The following ARHGEF26 variants were observed in gnomAD, a reference collection of about 807,000 sequenced individuals.
ARHGEF26 encodes the protein Rho guanine nucleotide exchange factor 26, also known as Rho guanine nucleotide exchange factor (GEF) 26.
A neutral mutation model predicts 89.4 loss-of-function variants in ARHGEF26; 59 were observed. The observed-to-expected ratio is 0.66, with a 90% confidence interval of 0.54 to 0.82. The LOEUF (loss-of-function observed/expected upper bound fraction) is 0.82, where lower values mean the gene tolerates loss of function less well. ARHGEF26 is among the 40% of genes least tolerant of loss of function. ARHGEF26 has a pLI of 0.00. For missense variants in ARHGEF26, 1,234 were observed against 1,085.6 expected, an observed-to-expected ratio of 1.14 and a Z score of -1.92; for synonymous variants, 500 against 428.4, an observed-to-expected ratio of 1.17 and a Z score of -2.06.
At chr3:154,124,059 A>G (rs1312640775) in intron 2 of ARHGEF26, among the ~76,000 whole-genome samples, 3 of 150,478 alleles carry the variant, frequency 2.0e-5, no homozygotes, top group African/African-American at 7.5e-5. Flanking sequence ...ATTACATAAC[A>G]TTTTATGTGT....
At chr3:154,168,907 T>G (rs1712224052) in intron 6 of ARHGEF26, among the ~76,000 whole-genome samples, 1 of 109,394 alleles carries the variant, frequency 9.1e-6, no homozygotes, top group African/African-American at 3.2e-5. Context: ...TTTTGTCCAC[T>G]TAGATCAGAA....
intron 10 of ARHGEF26, among the ~76,000 whole-genome samples, chr3:154,222,826 G>C (rs1213439694): frequency 1.3e-5 from 2 of 152,204 alleles, no homozygotes; most frequent in Non-Finnish European, 2.9e-5. Flanking sequence ...AGGGAGCCAG[G>C]AGGGAGAGAA....
At chr3:154,165,529 C>G (rs1365860043) in intron 6 of ARHGEF26, among the ~76,000 whole-genome samples, 2 of 152,154 alleles carry the variant, frequency 1.3e-5, no homozygotes, top group Admixed American at 1.3e-4. Context: ...TTTGGAAACT[C>G]AGGTGTTCAA....
intron 4 of ARHGEF26, among the ~76,000 whole-genome samples, chr3:154,148,633 C>T (rs145175879): frequency 6.6e-6 from 1 of 152,176 alleles, no homozygotes; most frequent in African/African-American, 2.4e-5. Flanking sequence ...CTGGTGACCT[C>T]ACCTGCAGAG....
intron 9 of ARHGEF26, among the ~76,000 whole-genome samples, chr3:154,217,329 T>C: frequency 6.6e-6 from 1 of 151,978 alleles, no homozygotes; most frequent in South Asian, 2.1e-4. Flanking sequence ...TGCATAAATG[T>C]CTTCTTTTGA....
intron 11 of ARHGEF26, among the ~76,000 whole-genome samples, chr3:154,236,214 GTTCT>G (rs773932778): frequency 5.8e-4 from 88 of 152,234 alleles, no homozygotes; most frequent in Non-Finnish European, 9.8e-4. Flanking sequence ...TCTACTAGTA[GTTCT>G]TTATTTTGTT....
intron 3 of ARHGEF26, among the ~76,000 whole-genome samples, chr3:154,124,883 T>C (rs1174541638): frequency 6.6e-6 from 1 of 152,174 alleles, no homozygotes; most frequent in African/African-American, 2.4e-5. Context: ...TGTTTCCTTA[T>C]TAAGTTTCAG....
intron 4 of ARHGEF26, among the ~76,000 whole-genome samples, chr3:154,146,217 A>G (rs147349857): frequency 1.8e-3 from 281 of 152,346 alleles, no homozygotes; most frequent in Non-Finnish European, 3.0e-3. Context: ...TTCACGTGGT[A>G]GAAGGGTTAG....
intron 6 of ARHGEF26, among the ~76,000 whole-genome samples, chr3:154,181,750 C>T (rs974077917): frequency 6.6e-6 from 1 of 152,058 alleles, no homozygotes; most frequent in Non-Finnish European, 1.5e-5. Context: ...TTTGTGTCTT[C>T]ATTGGTGGCC....
At chr3:154,187,380 ATTTTTT>A (rs35918903) in intron 6 of ARHGEF26, among the ~76,000 whole-genome samples, 10 of 127,088 alleles carry the variant, frequency 7.9e-5, no homozygotes, top group East Asian at 2.4e-4. Context: ...CAATAACTTG[ATTTTTT>A]TTTTTTTTTT....
chr3:154,123,117 A>G (rs1271009596), intron 2 of ARHGEF26, 42 bp downstream of exon 2: 3 of 1,606,914 alleles, frequency 1.9e-6, no homozygotes, highest in Non-Finnish European at 2.6e-6. Flanking sequence ...CACTAAGCGG[A>G]AAGTAAATGT....
At chr3:154,226,739 T>A (rs1317230394) in intron 11 of ARHGEF26, among the ~76,000 whole-genome samples, 2 of 151,434 alleles carry the variant, frequency 1.3e-5, no homozygotes, top group Non-Finnish European at 2.9e-5. Flanking sequence ...CTTTATTAAA[T>A]GCACCCAACA....
chr3:154,236,470 G>A (rs1234638802), intron 11 of ARHGEF26, among the ~76,000 whole-genome samples: 2 of 152,236 alleles, frequency 1.3e-5, no homozygotes, highest in African/African-American at 4.8e-5. Flanking sequence ...TGCAAGGAAA[G>A]ATGGTTTTTC....
chr3:154,251,618 A>T (rs146402152), intron 12 of ARHGEF26, among the ~76,000 whole-genome samples: 2 of 152,212 alleles, frequency 1.3e-5, no homozygotes, highest in African/African-American at 4.8e-5. Context: ...GGATTATCAG[A>T]CTGGGATGGA....
chr3:154,257,808 A>AAGAT lies in ARHGEF26; in HGVS notation c.*2336_*2339dup, dbSNP rs1718614063. The AAGAT allele has an allele frequency of 6.6e-6, 1 of 152,218 alleles. No homozygotes were observed. Among genetic ancestry groups the AAGAT allele is most frequent in the Admixed American group, 6.5e-5 (1 of 15,284 alleles). 9.4% of individuals were successfully genotyped at this position (152,218 alleles called of 1,614,324 possible). A position where few individuals can be genotyped will look rare whatever the true frequency, so the allele number is the denominator to read the frequency against. ...TTTCAGAAAAATATGTGAATTTATA[A>AAGAT]AGATTTTGTAGATACTTGTCCTTTT... On this transcript the variant is annotated 3_prime_UTR_variant, in exon 15 of 15. Coordinates refer to ENST00000465093, the MANE Select transcript of ARHGEF26 (RefSeq NM_015595.4).
chr3:154,172,874 A>G (rs1267689393), intron 6 of ARHGEF26, among the ~76,000 whole-genome samples: 5 of 152,272 alleles, frequency 3.3e-5, no homozygotes, highest in South Asian at 4.1e-4. Flanking sequence ...TATAAACATA[A>G]ATTGCATAAG....
At chr3:154,185,622 C>G (rs891069895) in intron 6 of ARHGEF26, among the ~76,000 whole-genome samples, 8 of 152,174 alleles carry the variant, frequency 5.3e-5, no homozygotes, top group African/African-American at 1.9e-4. Context: ...TTCATCGACC[C>G]TCCCTAACCC....
At chr3:154,201,016 T>C (rs1197721509) in intron 9 of ARHGEF26, among the ~76,000 whole-genome samples, 1 of 152,138 alleles carries the variant, frequency 6.6e-6, no homozygotes, top group Non-Finnish European at 1.5e-5. Context: ...TTTTTTTTAT[T>C]ATACTTTAAG....
At chr3:154,135,546 T>C (rs534527766) in intron 4 of ARHGEF26, among the ~76,000 whole-genome samples, 1 of 152,292 alleles carries the variant, frequency 6.6e-6, no homozygotes, top group African/African-American at 2.4e-5. Context: ...CCCTGGAGAT[T>C]ATCTGGAACT....
Sources: allele counts gnomAD v4.1 joint callset (sites outside exome capture counted in the v4.1 genomes callset), GRCh38; gene constraint gnomAD v4.1.1; transcripts MANE v1.5; gene names NCBI Gene and HGNC (gene_info 2026-07-23, HGNC 2026-07-21).